Variants in DACH2 observed in about 807,000 individuals in gnomAD.
DACH2 encodes dachshund homolog 2.
In DACH2, 17 loss-of-function variants were observed where a neutral mutation model predicts 35.8. That is an observed-to-expected ratio of 0.48 (90% CI 0.33 to 0.71). DACH2 has a LOEUF of 0.71. Among genes scored for constraint, DACH2 ranks in the 30% least tolerant of loss-of-function variants. The pLI is 0.02. For missense variants in DACH2, 469 were observed against 472.7 expected, an observed-to-expected ratio of 0.99 and a Z score of 0.07; for synonymous variants, 195 against 177.3, an observed-to-expected ratio of 1.10 and a Z score of -0.79.
At chrX:86,344,337 TATATATAC>T (rs756942578) in intron 1 of DACH2, among the ~76,000 whole-genome samples, 6,021 of 101,720 alleles carry the variant, frequency 0.059, 189 homozygotes, top group Non-Finnish European at 0.086. Flanking sequence ...TATATATATA[TATATATAC>T]ACACACACAC....
chrX:86,562,731 T>G (rs968125791), intron 3 of DACH2, among the ~76,000 whole-genome samples: 1 of 111,625 alleles, frequency 9.0e-6, no homozygotes, highest in African/African-American at 3.2e-5. Flanking sequence ...TTGAGTAAAG[T>G]ATATGAATAT....
intron 6 of DACH2, among the ~76,000 whole-genome samples, chrX:86,738,481 A>G (rs575343307): frequency 2.7e-5 from 3 of 112,144 alleles, no homozygotes; most frequent in African/African-American, 9.7e-5. Flanking sequence ...ATAATTAGAC[A>G]CAACATTTAA....
chrX:86,171,374 C>T (rs2031120347), intron 1 of DACH2, among the ~76,000 whole-genome samples: 2 of 111,020 alleles, frequency 1.8e-5, no homozygotes, highest in Non-Finnish European at 3.8e-5. Flanking sequence ...TCCCCCGCAA[C>T]CACCCCCAGT....
chrX:86,287,035 C>T (rs55857538), intron 1 of DACH2, among the ~76,000 whole-genome samples: 3,949 of 111,370 alleles, frequency 0.035, 104 homozygotes, highest in Middle Eastern at 0.079. Context: ...TGAAAGACTT[C>T]ATTTAGCATG....
intron 4 of DACH2, among the ~76,000 whole-genome samples, chrX:86,669,767 C>T (rs754557255): frequency 1.8e-5 from 2 of 111,483 alleles, no homozygotes; most frequent in African/African-American, 6.5e-5. Context: ...TGGGTAAGAA[C>T]ACAATGTAAT....
At chrX:86,260,989 G>A (rs1388278154) in intron 1 of DACH2, among the ~76,000 whole-genome samples, 1 of 112,036 alleles carries the variant, frequency 8.9e-6, no homozygotes, top group African/African-American at 3.2e-5. Flanking sequence ...ACTTAACGTT[G>A]CCCAGTCTAA....
chrX:86,311,570 G>A, intron 1 of DACH2, among the ~76,000 whole-genome samples: 1 of 110,985 alleles, frequency 9.0e-6, no homozygotes, highest in Admixed American at 9.6e-5. Flanking sequence ...TCAAGGGGTG[G>A]AAGTGGAAGT....
intron 4 of DACH2, among the ~76,000 whole-genome samples, chrX:86,667,552 G>C (rs868334629): frequency 2.2e-5 from 1 of 45,529 alleles, no homozygotes; most frequent in Non-Finnish European, 3.9e-5. Context: ...AAAGAAGAAA[G>C]AAAGAAAGAA....
At chrX:86,315,449 A>G (rs921176773) in intron 1 of DACH2, among the ~76,000 whole-genome samples, 7 of 112,096 alleles carry the variant, frequency 6.2e-5, no homozygotes, top group South Asian at 3.7e-4. Flanking sequence ...CCCATGGATC[A>G]AGGAGCAATT....
At chrX:86,725,295 G>A (rs923208332) in intron 6 of DACH2, among the ~76,000 whole-genome samples, 2 of 111,075 alleles carry the variant, frequency 1.8e-5, no homozygotes, top group African/African-American at 6.5e-5. Flanking sequence ...CCAAGTTTTT[G>A]AAATTGCTTT....
chrX:86,196,618 A>G (rs752800144), intron 1 of DACH2, among the ~76,000 whole-genome samples: 79 of 90,303 alleles, frequency 8.7e-4, no homozygotes, highest in African/African-American at 3.4e-3. Flanking sequence ...GCGTGAACCC[A>G]GGAGGTGGAG....
chrX:86,434,756 G>A (rs1046044619), intron 2 of DACH2, among the ~76,000 whole-genome samples: 3 of 111,500 alleles, frequency 2.7e-5, no homozygotes, highest in Non-Finnish European at 3.8e-5. Flanking sequence ...CAGAGACTGG[G>A]TAATTTTTAG....
At chrX:86,461,112 T>A (rs1186761325) in intron 2 of DACH2, among the ~76,000 whole-genome samples, 4 of 111,439 alleles carry the variant, frequency 3.6e-5, no homozygotes, top group African/African-American at 1.3e-4. Flanking sequence ...CTATTTATGT[T>A]TTAAAAACCC....
At position 86,324,237 on chromosome X, in the gene DACH2, A is replaced by G. The variant is rs766239856; in HGVS notation, c.489-52587A>G. Among the ~76,000 whole-genome samples, 4 of 111,957 alleles carry G rather than the reference A, an allele frequency of 3.6e-5. No homozygotes were observed. The South Asian group carries it at 1.5e-3, about 42-fold the overall frequency. On this transcript the variant is annotated intron_variant, in intron 1 of 11. Transcript: ENST00000373125. Reference sequence around the variant, plus strand: ...TAACAGTAGAAAGAGCAAGAGAACTAGATTTAGAAGTGGAGCCTGAATATG... The same window carrying G: ...TAACAGTAGAAAGAGCAAGAGAACTGGATTTAGAAGTGGAGCCTGAATATG...
intron 1 of DACH2, among the ~76,000 whole-genome samples, chrX:86,182,966 G>C (rs1381178011): frequency 9.0e-6 from 1 of 111,388 alleles, no homozygotes; most frequent in Non-Finnish European, 1.9e-5. Context: ...TCATGACTTG[G>C]TTCTTTGTTT....
intron 7 of DACH2, among the ~76,000 whole-genome samples, chrX:86,807,429 G>A (rs914585428): frequency 1.8e-5 from 2 of 111,629 alleles, no homozygotes; most frequent in South Asian, 7.5e-4. Context: ...GCATAGAAAG[G>A]TTAAGCAACT....
intron 1 of DACH2, among the ~76,000 whole-genome samples, chrX:86,356,883 C>G (rs2035651967): frequency 3.6e-5 from 4 of 110,962 alleles, no homozygotes; most frequent in Admixed American, 2.9e-4. Flanking sequence ...GTGGTGAAGT[C>G]TGAGATTTTA....
At chrX:86,401,741 A>T (rs2036437126) in intron 2 of DACH2, among the ~76,000 whole-genome samples, 2 of 110,228 alleles carry the variant, frequency 1.8e-5, no homozygotes, top group Non-Finnish European at 3.8e-5. Flanking sequence ...AAAAAAAAAA[A>T]CTTCAGATTA....
intron 1 of DACH2, among the ~76,000 whole-genome samples, chrX:86,227,568 G>T (rs1399527193): frequency 6.4e-5 from 7 of 109,880 alleles, no homozygotes; most frequent in African/African-American, 2.3e-4. Context: ...CCAGCATTAG[G>T]CAACCCCCTC....
Sources: allele counts gnomAD v4.1 joint callset (sites outside exome capture counted in the v4.1 genomes callset), GRCh38; gene constraint gnomAD v4.1.1; transcripts MANE v1.5; gene names NCBI Gene and HGNC (gene_info 2026-07-23, HGNC 2026-07-21).